The following SLC25A48 variants were observed in gnomAD, a reference collection of about 807,000 sequenced individuals.
SLC25A48 encodes the protein solute carrier family 25 member 48, also known as CTC-321K16.1.
Under a neutral mutation model 32.2 loss-of-function variants are expected in SLC25A48, and 29 were observed. That is an observed-to-expected ratio of 0.90 (90% confidence interval 0.67 to 1.23). The LOEUF (loss-of-function observed/expected upper bound fraction) is 1.23. Among genes scored for constraint, SLC25A48 ranks in the 50% most tolerant of loss-of-function variants. The probability of loss-of-function intolerance (pLI) is 0.00; values close to 1 mark genes in which losing one functional copy is unlikely to be tolerated. For missense variants in SLC25A48, 399 were observed against 422.7 expected (o/e 0.94, Z 0.49); for synonymous variants, 164 against 172.3 (o/e 0.95, Z 0.38).
chr5:135,643,801 T>A (rs532065575), intron 3 of SLC25A48, among the ~76,000 whole-genome samples: 1 of 152,348 alleles, frequency 6.6e-6, no homozygotes, highest in Admixed American at 6.5e-5. Flanking sequence ...TGCACTAATA[T>A]GTGGCAGACA....
At chr5:135,879,386 G>A (rs924281898) in intron 6 of SLC25A48, among the ~76,000 whole-genome samples, 3 of 152,080 alleles carry the variant, frequency 2.0e-5, no homozygotes, top group Non-Finnish European at 4.4e-5. Context: ...TTACAGTCGG[G>A]AAAATTGAGT....
intron 3 of SLC25A48, among the ~76,000 whole-genome samples, chr5:135,640,756 C>T (rs1336804662): frequency 6.6e-6 from 1 of 152,134 alleles, no homozygotes; most frequent in Non-Finnish European, 1.5e-5. Flanking sequence ...ATATGATCAT[C>T]TTGATAAATA....
chr5:135,881,765 A>G (rs559932566), intron 7 of SLC25A48, among the ~76,000 whole-genome samples: 2 of 152,274 alleles, frequency 1.3e-5, no homozygotes, highest in East Asian at 3.9e-4. Flanking sequence ...AAATAATAAG[A>G]CCTGTCATCA....
At chr5:135,816,255 A>G in intron 4 of SLC25A48, among the ~76,000 whole-genome samples, 1 of 152,226 alleles carries the variant, frequency 6.6e-6, no homozygotes, top group East Asian at 1.9e-4. Flanking sequence ...TTGGGTGGGG[A>G]CACAGAACCA....
intron 3 of SLC25A48, among the ~76,000 whole-genome samples, chr5:135,646,513 T>A (rs1000786476): frequency 6.6e-6 from 1 of 151,990 alleles, no homozygotes; most frequent in African/African-American, 2.4e-5. Context: ...AGCTGTAAGA[T>A]GAAGATTATA....
At chr5:135,871,816 G>A (rs200832354) in intron 5 of SLC25A48, 98 bp downstream of exon 5, 1 of 1,567,928 alleles carries the variant, frequency 6.4e-7, no homozygotes, top group African/African-American at 1.4e-5. Context: ...GGGGAGGGCA[G>A]GACACATTTA....
intron 3 of SLC25A48, among the ~76,000 whole-genome samples, chr5:135,770,549 AATG>A (rs1392977220): frequency 6.6e-6 from 1 of 151,606 alleles, no homozygotes; most frequent in East Asian, 1.9e-4. Flanking sequence ...GTGGGGAGAG[AATG>A]ATGTTACCCC....
chr5:135,598,536 G>GGCT (rs1387511807), intron 1 of SLC25A48, among the ~76,000 whole-genome samples: 2 of 152,192 alleles, frequency 1.3e-5, no homozygotes, highest in Non-Finnish European at 2.9e-5. Context: ...CCTGCAGGCT[G>GGCT]GCTACCCTGC....
At chr5:135,836,358 C>CTT (rs10710326) in intron 1 of SLC25A48, among the ~76,000 whole-genome samples, 45 of 145,574 alleles carry the variant, frequency 3.1e-4, no homozygotes, top group Non-Finnish European at 4.8e-4. Context: ...AATAACATGG[C>CTT]TTTTTTTTTT....
At chr5:135,886,576 T>A in intron 7 of SLC25A48, among the ~76,000 whole-genome samples, 1 of 123,380 alleles carries the variant, frequency 8.1e-6, no homozygotes, top group Non-Finnish European at 1.7e-5. Context: ...ACATTATGGT[T>A]CTATTTAACC....
intron 1 of SLC25A48, among the ~76,000 whole-genome samples, chr5:135,841,036 C>A (rs567363072): frequency 6.6e-6 from 1 of 152,310 alleles, no homozygotes; most frequent in African/African-American, 2.4e-5. Context: ...TTTCTACCAG[C>A]AATGTACAAG....
intron 3 of SLC25A48, among the ~76,000 whole-genome samples, chr5:135,642,947 A>G (rs1039898009): frequency 6.6e-6 from 1 of 152,092 alleles, no homozygotes; most frequent in Non-Finnish European, 1.5e-5. Flanking sequence ...AAATTGAGAG[A>G]CTATCTCACA....
intron 4 of SLC25A48, among the ~76,000 whole-genome samples, chr5:135,870,462 C>G (rs1043877516): frequency 6.6e-6 from 1 of 152,178 alleles, no homozygotes; most frequent in Non-Finnish European, 1.5e-5. Flanking sequence ...AGAGTCTCAG[C>G]TGGCTATGTG....
chr5:135,797,926 C>T (rs1757228225), intron 3 of SLC25A48, among the ~76,000 whole-genome samples: 1 of 151,898 alleles, frequency 6.6e-6, no homozygotes, highest in Non-Finnish European at 1.5e-5. Context: ...ATATTACTCC[C>T]AATACCGCAT....
chr5:135,846,763 G>T (rs1489710496), intron 2 of SLC25A48, among the ~76,000 whole-genome samples: 1 of 152,040 alleles, frequency 6.6e-6, no homozygotes, highest in Non-Finnish European at 1.5e-5. Flanking sequence ...TCTCTATAAG[G>T]ACCAAAGAAA....
chr5:135,592,684 A>C (rs1430707248), intron 1 of SLC25A48, among the ~76,000 whole-genome samples: 1 of 152,104 alleles, frequency 6.6e-6, no homozygotes, highest in African/African-American at 2.4e-5. Flanking sequence ...AGAGAGAGAC[A>C]GTGAGAGAGA....
At position 135,629,911 on chromosome 5, in the gene SLC25A48, G is replaced by A. The variant is rs1752517523; in HGVS notation, c.-709+535G>A. On this transcript the variant is annotated intron_variant, in intron 2 of 10. Coordinates refer to the SLC25A48 transcript ENST00000646290. The surrounding 1 kb of genome is among the most constrained non-coding windows in gnomAD (Gnocchi z 4.8). ...GTTGGAAGTCACAGGCATGACATGA[G>A]AATGAGGAGGAGAAACGGGCAAGGC... 6.6e-6 allele frequency among the ~76,000 whole-genome samples: 1 copy of A among 152,178 alleles called. No homozygotes were observed. Among genetic ancestry groups the A allele is most frequent in the Admixed American group, 6.5e-5 (1 of 15,286 alleles).
At chr5:135,714,338 G>T (rs2126977155) in intron 3 of SLC25A48, among the ~76,000 whole-genome samples, 1 of 152,352 alleles carries the variant, frequency 6.6e-6, no homozygotes, top group South Asian at 2.1e-4. Flanking sequence ...AATTCCTCCA[G>T]CCCCAGCCCT....
intron 1 of SLC25A48, among the ~76,000 whole-genome samples, chr5:135,842,062 G>T (rs1188907974): frequency 6.6e-6 from 1 of 152,224 alleles, no homozygotes; most frequent in East Asian, 1.9e-4. Flanking sequence ...CTATGTTTTA[G>T]TTTAAGAATC....
Sources: gnomAD v4.1 joint callset for allele counts (sites outside exome capture counted in the v4.1 genomes callset) on GRCh38, gnomAD v4.1.1 for gene constraint, Gnocchi (gnomAD v3.1) non-coding constraint, MANE v1.5 for transcripts, NCBI Gene and HGNC (gene_info 2026-07-23, HGNC 2026-07-21) for gene names.